Variants in RNF149 observed in about 807,000 individuals in gnomAD.
The protein encoded by RNF149 is ring finger protein 149, also known as E3 ubiquitin-protein ligase RNF149.
RNF149 carries 21 observed loss-of-function variants against 39.0 expected under a neutral mutation model. The observed-to-expected ratio is 0.54, with a 90% confidence interval of 0.38 to 0.77. The LOEUF (loss-of-function observed/expected upper bound fraction) is 0.77, where lower values mean the gene tolerates loss of function less well. Among genes scored for constraint, RNF149 ranks in the 30% least tolerant of loss-of-function variants. The pLI is 0.00. For synonymous variants in RNF149, 209 were observed against 213.6 expected (o/e 0.98, Z 0.19); for missense variants, 493 against 534.9 (o/e 0.92, Z 0.77).
rs768502800 is a variant in RNF149 at position 101,294,009 on chromosome 2, A to G, written c.780+5T>C. On this transcript the variant is annotated splice_donor_5th_base_variant and intron_variant, in intron 3 of 6. Coordinates refer to ENST00000295317, the MANE Select transcript of RNF149 (RefSeq NM_173647.4). ...AAAACAAAAGAAAAACCATGAAAAT[A>G]TTACCTTTTCTCCATGCTTTACAGT... The G allele has an allele frequency of 4.6e-6, 7 of 1,527,828 alleles. No homozygotes were observed. The highest frequency in any genetic ancestry group is 6.3e-6 in the Non-Finnish European group (7 of 1,109,622). The allele number at this position is 1,527,828 out of a possible 1,614,324, so 94.6% of individuals were successfully genotyped here.
chr2:101,280,453 T>C (rs895175034), intron 6 of RNF149, among the ~76,000 whole-genome samples: 11 of 152,090 alleles, frequency 7.2e-5, no homozygotes, highest in South Asian at 2.1e-4. Flanking sequence ...AAATCTTACA[T>C]TAAGATTTAA....
At chr2:101,302,992 A>AG (rs1683513225) in intron 1 of RNF149, among the ~76,000 whole-genome samples, 1 of 151,810 alleles carries the variant, frequency 6.6e-6, no homozygotes, top group Non-Finnish European at 1.5e-5. Context: ...AAAAAAAAAA[A>AG]AAAAACAAAA....
In RNF149 at chr2:101,276,396, G is replaced by A. The variant is rs989367634; in HGVS notation, c.*842C>T. On this transcript the variant is annotated 3_prime_UTR_variant, in exon 7 of 7. Transcript: ENST00000295317. Reference sequence around the variant, plus strand: ...TCTAATCAAGAAAACTGGTTATTTCGAGTCAACAACAAAAACTAAAATTCT... The same window carrying A: ...TCTAATCAAGAAAACTGGTTATTTCAAGTCAACAACAAAAACTAAAATTCT... 5.1e-6 allele frequency: 5 copies of A among 985,804 alleles called. No individual in the cohort carries two copies. Among genetic ancestry groups the A allele is most frequent in the Middle Eastern group, 5.2e-4 (1 of 1,914 alleles). 61.1% of individuals were successfully genotyped at this position (985,804 alleles called of 1,614,324 possible).
At chr2:101,287,537 C>T (rs1682841422) in intron 4 of RNF149, among the ~76,000 whole-genome samples, 2 of 152,216 alleles carry the variant, frequency 1.3e-5, no homozygotes, top group Non-Finnish European at 2.9e-5. Context: ...TGACCTAGTA[C>T]TGCTCATCTG....
intron 1 of RNF149, among the ~76,000 whole-genome samples, chr2:101,300,596 T>C (rs923029540): frequency 1.3e-5 from 2 of 152,202 alleles, no homozygotes. Context: ...GTGGATCGCT[T>C]GACCCTAGGG....
chr2:101,281,795 A>G, intron 6 of RNF149, 64 bp downstream of exon 6: 9 of 1,587,144 alleles, frequency 5.7e-6, no homozygotes, highest in Non-Finnish European at 7.7e-6. Flanking sequence ...AAGCACTGAG[A>G]TTACAGGTGT....
chr2:101,284,450 G>A (rs1410482232), intron 5 of RNF149, among the ~76,000 whole-genome samples: 2 of 151,972 alleles, frequency 1.3e-5, no homozygotes, highest in African/African-American at 4.8e-5. Context: ...GTGTACTGGA[G>A]TGCAGGTGTA....
intron 3 of RNF149, among the ~76,000 whole-genome samples, chr2:101,291,837 A>C (rs898736260): frequency 6.6e-6 from 1 of 152,196 alleles, no homozygotes; most frequent in African/African-American, 2.4e-5. Context: ...AAGAAAACAC[A>C]TTTTTTTGTA....
At position 101,308,220 on chromosome 2, in the gene RNF149, C is replaced by G; in HGVS notation, c.369G>C (p.Lys123Asn). Residue 123 changes from lysine to asparagine, a missense_variant, in exon 1 of 7, where the codon AAG becomes AAC. Physicochemically the swap from Lys to Asn is moderately conservative, Grantham distance 94. Coordinates refer to ENST00000295317, the MANE Select transcript of RNF149 (RefSeq NM_173647.4). Reference sequence around the variant, plus strand: ...CGTTCCTCCGCGCCGCCACCAGCACCTTGTCCTTGAAGGTGCAGCCCCCAC... The same window carrying G: ...CGTTCCTCCGCGCCGCCACCAGCACGTTGTCCTTGAAGGTGCAGCCCCCAC... ...VARGGCTFKD[K>N]VLVAARRNAS... The G allele has an allele frequency of 6.2e-7, 1 of 1,607,122 alleles. No individual in the cohort carries two copies. Among genetic ancestry groups the G allele is most frequent in the Non-Finnish European group, 8.5e-7 (1 of 1,178,044 alleles).
intron 3 of RNF149, among the ~76,000 whole-genome samples, chr2:101,291,124 G>A (rs973892901): frequency 3.3e-5 from 5 of 152,164 alleles, no homozygotes; most frequent in Non-Finnish European, 7.3e-5. Flanking sequence ...CAATATGGAA[G>A]CAGTAAACAT....
At chr2:101,293,699 T>C (rs1380616261) in intron 3 of RNF149, among the ~76,000 whole-genome samples, 1 of 152,220 alleles carries the variant, frequency 6.6e-6, no homozygotes, top group Non-Finnish European at 1.5e-5. Context: ...GAAGACTGTA[T>C]GTCTTTATAG....
chr2:101,289,215 T>G (rs907470374), intron 3 of RNF149, among the ~76,000 whole-genome samples, 160 bp from the exon 4 acceptor site: 1 of 152,164 alleles, frequency 6.6e-6, no homozygotes, highest in Non-Finnish European at 1.5e-5. Context: ...TTACCACTAT[T>G]AGAGGATTAT....
chr2:101,272,928 A>G (rs1238336605), downstream of RNF149: 1 of 1,351,372 alleles, frequency 7.4e-7, no homozygotes, highest in Non-Finnish European at 9.8e-7. Context: ...GAAGCTTCCA[A>G]TCCTGCTACT....
At chr2:101,305,042 T>C (rs952683923) in intron 1 of RNF149, among the ~76,000 whole-genome samples, 16 of 152,190 alleles carry the variant, frequency 1.1e-4, no homozygotes, top group African/African-American at 3.6e-4. Flanking sequence ...GGTTTCACCA[T>C]GTTGGCCAGG....
intron 1 of RNF149, among the ~76,000 whole-genome samples, chr2:101,303,146 G>C (rs570969231): frequency 6.6e-6 from 1 of 152,204 alleles, no homozygotes; most frequent in Admixed American, 6.5e-5. Context: ...ACAGAGTCTT[G>C]CTCTGTCACC....
intron 2 of RNF149, chr2:101,294,428 TA>T: frequency 4.3e-6 from 1 of 233,566 alleles, no homozygotes; most frequent in Non-Finnish European, 8.4e-6. Context: ...AAGCTGAGGA[TA>T]GGGGTACCAC....
At chr2:101,284,862 A>G (rs932517424) in intron 5 of RNF149, among the ~76,000 whole-genome samples, 2 of 152,216 alleles carry the variant, frequency 1.3e-5, no homozygotes, top group Non-Finnish European at 2.9e-5. Flanking sequence ...CAACAAGACT[A>G]TATTTGATAA....
At chr2:101,289,305 C>G (rs1213846989) in intron 3 of RNF149, among the ~76,000 whole-genome samples, 1 of 152,186 alleles carries the variant, frequency 6.6e-6, no homozygotes, top group African/African-American at 2.4e-5. Flanking sequence ...ATACACTATT[C>G]ACATGTAATT....
intron 1 of RNF149, among the ~76,000 whole-genome samples, chr2:101,306,196 T>C (rs1288328412): frequency 6.6e-6 from 1 of 152,162 alleles, no homozygotes; most frequent in Non-Finnish European, 1.5e-5. Context: ...TATCAAAAAA[T>C]GCAGTAAGTA....
Sources: allele counts gnomAD v4.1 joint callset (sites outside exome capture counted in the v4.1 genomes callset), GRCh38; gene constraint gnomAD v4.1.1; transcripts MANE v1.5; gene names NCBI Gene and HGNC (gene_info 2026-07-23, HGNC 2026-07-21).